ADH7: variants seen among roughly 807,000 people sequenced by gnomAD.
The protein encoded by ADH7 is alcohol dehydrogenase 7 (class IV), mu or sigma polypeptide.
In ADH7, 41 loss-of-function variants were observed where a neutral mutation model predicts 34.4. That is an observed-to-expected ratio of 1.19 (90% CI 0.93 to 1.55). The LOEUF is 1.55. Ranked by LOEUF, ADH7 falls within the 40% of genes most tolerant of loss-of-function variation. ADH7 has a pLI of 0.00. For synonymous variants in ADH7, 180 were observed against 160.9 expected (o/e 1.12, Z -0.90); for missense variants, 540 against 461.2 (o/e 1.17, Z -1.56).
intron 6 of ADH7, among the ~76,000 whole-genome samples, chr4:99,420,018 C>T (rs1371442256): frequency 6.6e-6 from 1 of 152,090 alleles, no homozygotes; most frequent in African/African-American, 2.4e-5. Context: ...GGCTGCCATA[C>T]AGGTGGCATG....
At chr4:99,418,240 G>A (rs1721567745) in intron 7 of ADH7, among the ~76,000 whole-genome samples, 1 of 151,870 alleles carries the variant, frequency 6.6e-6, no homozygotes, top group Admixed American at 6.6e-5. Flanking sequence ...ATTTGTTTTT[G>A]TATCCTTCGC....
intron 5 of ADH7, among the ~76,000 whole-genome samples, chr4:99,424,750 G>T (rs1269516862): frequency 1.3e-5 from 2 of 152,264 alleles, no homozygotes; most frequent in South Asian, 2.1e-4. Context: ...TGCTGAAGTT[G>T]CTTATCAGCT....
At chr4:99,424,428 A>G (rs1386485599) in intron 5 of ADH7, among the ~76,000 whole-genome samples, 1 of 152,236 alleles carries the variant, frequency 6.6e-6, no homozygotes, top group Non-Finnish European at 1.5e-5. Flanking sequence ...AGTCATTGGT[A>G]GCTTGATGGG....
chr4:99,424,425 G>A (rs1268894829), intron 5 of ADH7, among the ~76,000 whole-genome samples: 1 of 152,164 alleles, frequency 6.6e-6, no homozygotes, highest in Non-Finnish European at 1.5e-5. Flanking sequence ...GAAAGTCATT[G>A]GTAGCTTGAT....
chr4:99,418,969 G>C lies in ADH7; in HGVS notation c.961+17C>G. 1 of 1,612,784 alleles carries C rather than the reference G, an allele frequency of 6.2e-7. No homozygotes were observed. The stretch of plus-strand genomic sequence containing the variant: ...TGAAAGCCATCACTCCCCATCCAGA[G>C]GCTTTGCTTTCCTGACCTCCAAAGA... On this transcript the variant is annotated intron_variant, in intron 7 of 8. Transcript: ENST00000437033.
intron 2 of ADH7, 48 bp downstream of exon 2, chr4:99,429,484 T>C: frequency 2.2e-6 from 3 of 1,384,364 alleles, no homozygotes; most frequent in Non-Finnish European, 3.0e-6. Context: ...ATATTCAATA[T>C]AAGTTTGATA....
At chr4:99,418,887 C>T (rs371109028) in intron 7 of ADH7, 99 bp downstream of exon 7, 1 of 1,406,474 alleles carries the variant, frequency 7.1e-7, no homozygotes, top group Non-Finnish European at 9.7e-7. Context: ...ACTTCATACT[C>T]ATTCTTGGAA....
intron 1 of ADH7, chr4:99,432,861 T>A (rs1298933759): frequency 6.6e-6 from 1 of 152,176 alleles, no homozygotes; most frequent in East Asian, 1.9e-4. Context: ...AAAATTTTTT[T>A]AAGACAATAT....
rs776300866 is a variant in ADH7, at chr4:99,427,943, A to G, written c.394T>C (p.Cys132Arg). The change falls in exon 5 of 9, where the codon TGC becomes CGC. Residue 132 changes from cysteine to arginine, a missense_variant. Cys to Arg is a radical substitution (Grantham distance 180). Coordinates refer to ENST00000437033, the MANE Select transcript of ADH7 (RefSeq NM_000673.7). ...AAGTGGTGGACTGGTTTGCCCTTGC[A>G]TGTAAATCTGGTGGTGCCATCAGCC... is the stretch of plus-strand genomic sequence containing the variant. ...VLADGTTRFT[C>R]KGKPVHHFMN... The G allele has an allele frequency of 1.9e-5, 31 of 1,614,062 alleles. No individual in the cohort carries two copies. In the East Asian group the frequency reaches 6.0e-4, roughly 31 times the overall value.
intron 1 of ADH7, chr4:99,432,718 A>C (rs1375159648): frequency 2.0e-5 from 3 of 152,168 alleles, no homozygotes; most frequent in African/African-American, 7.2e-5. Context: ...CAGGCAAAGG[A>C]CCTATGGAAA....
In ADH7 at chr4:99,435,252, C is replaced by G. The variant is rs1378246878; in HGVS notation, c.-19G>C. The G allele has an allele frequency of 1.2e-6, 2 of 1,613,402 alleles. No homozygotes were observed. Among genetic ancestry groups the G allele is most frequent in the Non-Finnish European group, 1.7e-6 (2 of 1,179,720 alleles). ...TGCCCATCCTGTCTTTGTCTTGGAT[C>G]TGTATTTCTGCAAACATAGACTTTT... On this transcript the variant is annotated 5_prime_UTR_variant, in exon 1 of 9. Transcript: ENST00000437033.
At chr4:99,424,614 C>A (rs1721756894) in intron 5 of ADH7, among the ~76,000 whole-genome samples, 1 of 152,142 alleles carries the variant, frequency 6.6e-6, no homozygotes, top group South Asian at 2.1e-4. Flanking sequence ...AAGTTGGATT[C>A]CTAGGTGTTT....
At position 99,415,655 on chromosome 4, in the gene ADH7, A is replaced by T. The variant is rs780568979; in HGVS notation, c.962-39T>A. 3 of 1,584,118 alleles carry T rather than the reference A, an allele frequency of 1.9e-6. No homozygotes were observed. The East Asian group carries it at 6.7e-5, about 36-fold the overall frequency. Reference sequence around the variant, plus strand: ...CACATTTTCTCTTTAGACATTACTAAATAATCCTTATCTTTTATTATGTTA... The same window carrying T: ...CACATTTTCTCTTTAGACATTACTATATAATCCTTATCTTTTATTATGTTA... On this transcript the variant is annotated intron_variant, in intron 7 of 8. Transcript: ENST00000437033.
intron 8 of ADH7, among the ~76,000 whole-genome samples, chr4:99,413,959 C>T (rs757890498): frequency 8.6e-5 from 13 of 152,012 alleles, no homozygotes; most frequent in Non-Finnish European, 1.5e-4. Flanking sequence ...AAATTACTGG[C>T]GAAAAAATAT....
rs148026590 is a variant in ADH7, at chr4:99,429,539, C to A, written c.113G>T (p.Arg38Leu). Residue 38 changes from arginine (R) to leucine (L), a missense_variant, in exon 2 of 9, where the codon CGC (arginine) becomes CTC (leucine). Arg to Leu is a moderately radical substitution (Grantham distance 102). Coordinates refer to ENST00000437033, the MANE Select transcript of ADH7 (RefSeq NM_000673.7). ...EVAPPKTKEV[R>L]IKILATGICR... is the part of the protein sequence containing the mutation. ...TCTAGGGCTCACGCTTACCTTAATG[C>A]GAACTTCTTTAGTCTTTGGTGGGGC... 1.7e-5 allele frequency: 27 copies of A among 1,610,324 alleles called. No homozygotes were observed. Among genetic ancestry groups the A allele is most frequent in the East Asian group, 4.5e-5 (2 of 44,836 alleles).
intron 5 of ADH7, 24 bp from the exon 6 acceptor site, chr4:99,420,817 C>G (rs1487829835): frequency 1.2e-6 from 2 of 1,611,540 alleles, no homozygotes; most frequent in African/African-American, 1.3e-5. Flanking sequence ...TGTTCTTGAA[C>G]ATGTTAGGTG....
chr4:99,426,911 G>A (rs36008509), intron 5 of ADH7, among the ~76,000 whole-genome samples: 16,578 of 152,118 alleles, frequency 0.11, 1,101 homozygotes, highest in South Asian at 0.14. Context: ...TTCAATATAT[G>A]CAAATCAATA....
At position 99,428,491 on chromosome 4, in the gene ADH7, C is replaced by T. The variant is rs768488196; in HGVS notation, c.259+1G>A. 3 of 1,611,070 alleles carry T rather than the reference C, an allele frequency of 1.9e-6. No individual in the cohort carries two copies. Among genetic ancestry groups the T allele is most frequent in the East Asian group, 4.5e-5 (2 of 44,848 alleles). On this transcript the variant is annotated splice_donor_variant, in intron 3 of 8. Coordinates refer to ENST00000437033, the MANE Select transcript of ADH7 (RefSeq NM_000673.7). LOFTEE classifies it high-confidence loss of function. The stretch of plus-strand genomic sequence containing the variant: ...ACTTGTGGTTTGACACCTGCATATA[C>T]CTGGTTTCACTGTAGTCACTCCTTC...
rs1307069632 is a variant in ADH7, at chr4:99,424,812, C to T, written c.564+2961G>A. Among the ~76,000 whole-genome samples, 13 of 152,188 alleles carry T rather than the reference C, an allele frequency of 8.5e-5. 1 individual carries two copies. The South Asian group carries it at 1.7e-3, about 19-fold the overall frequency. On this transcript the variant is annotated intron_variant, in intron 5 of 8. Transcript: ENST00000437033. The stretch of plus-strand genomic sequence containing the variant: ...GGGTTTTCTAGATATACAATCATGT[C>T]ATCTGCAAACAGGGACAATTTGACT...
Sources: gnomAD v4.1 joint callset for allele counts (sites outside exome capture counted in the v4.1 genomes callset) on GRCh38, gnomAD v4.1.1 for gene constraint, MANE v1.5 for transcripts, NCBI Gene and HGNC (gene_info 2026-07-23, HGNC 2026-07-21) for gene names.